CD40: variants seen among roughly 807,000 people sequenced by gnomAD.
CD40 encodes the protein tumor necrosis factor receptor superfamily member 5.
Under a neutral mutation model 38.5 loss-of-function variants are expected in CD40, and 19 were observed. That is an observed-to-expected ratio of 0.49 (90% confidence interval 0.34 to 0.72). CD40 has a LOEUF of 0.72. CD40 is among the 30% of genes least tolerant of loss of function. CD40 has a pLI of 0.01. For missense variants in CD40, 256 were observed against 344.1 expected (o/e 0.74, Z 2.03); for synonymous variants, 130 against 128.7 (o/e 1.01, Z -0.07).
chr20:46,122,912 C>T lies in CD40; in HGVS notation c.403+156C>T. ...CCACTGGAGTGAGCTGCAGACGGGA[C>T]CTTGTTCATTCTGCCTTCTGCCATG... On this transcript the variant is annotated intron_variant, in intron 4 of 8. Transcript: ENST00000372285. This position sits in a 1 kb window ranked among gnomAD's most constrained non-coding sequence, Gnocchi z 5.0. 2 of 1,021,902 alleles carry T rather than the reference C, an allele frequency of 2.0e-6. No homozygotes were observed. The highest frequency in any genetic ancestry group is 4.3e-5 in the Admixed American group (2 of 47,020). The allele number at this position is 1,021,902 out of a possible 1,614,324, so 63.3% of individuals were successfully genotyped here. A position where few individuals can be genotyped will look rare whatever the true frequency, so the allele number is the denominator to read the frequency against.
intron 1 of CD40, among the ~76,000 whole-genome samples, chr20:46,120,619 C>T (rs1160347842): frequency 6.6e-6 from 1 of 152,202 alleles, no homozygotes; most frequent in African/African-American, 2.4e-5. Context: ...AAATCAAGAG[C>T]AGGCCTGGGA....
At chr20:46,123,074 G>C in intron 4 of CD40, 52 bp from the exon 5 acceptor site, 2 of 1,378,102 alleles carry the variant, frequency 1.5e-6, no homozygotes, top group Non-Finnish European at 2.1e-6. Context: ...CTTGTGAGCC[G>C]GACAGGTGGT....
rs11569343 is a variant in CD40 at position 46,129,175 on chromosome 20, C to G, written c.*135C>G. 0.041 allele frequency: 39,909 copies of G among 962,462 alleles called. 1,040 individuals carry two copies. Among genetic ancestry groups the G allele is most frequent in the Non-Finnish European group, 0.05 (30,649 of 615,946 alleles). 59.6% of individuals were successfully genotyped at this position (962,462 alleles called of 1,614,324 possible). A position where few individuals can be genotyped will look rare whatever the true frequency, so the allele number is the denominator to read the frequency against. Reference sequence around the variant, plus strand: ...ATAGCTCCCCGCTTCTGCCTGCACCCCTGCAGTTTGAGACAGGAGACCTGG... The same window carrying G: ...ATAGCTCCCCGCTTCTGCCTGCACCGCTGCAGTTTGAGACAGGAGACCTGG... On this transcript the variant is annotated 3_prime_UTR_variant, in exon 9 of 9. Transcript: ENST00000372285.
intron 1 of CD40, among the ~76,000 whole-genome samples, chr20:46,119,817 G>C (rs966924342): frequency 6.6e-6 from 1 of 152,178 alleles, no homozygotes; most frequent in Admixed American, 6.5e-5. Flanking sequence ...CATGATTCCC[G>C]AGCCTGCCTC....
At position 46,122,523 on chromosome 20, in the gene CD40, A is replaced by G; in HGVS notation, c.257-87A>G. ...CCATCTCTACTTGGAAGAGGGTCTG[A>G]GGAAGAAAGAGCAGGCAATGTGGGG... On this transcript the variant is annotated intron_variant, in intron 3 of 8. Transcript: ENST00000372285. The surrounding 1 kb of genome is among the most constrained non-coding windows in gnomAD (Gnocchi z 5.0). 1 of 1,594,802 alleles carries G rather than the reference A, an allele frequency of 6.3e-7. No homozygotes were observed. The highest frequency in any genetic ancestry group is 8.6e-7 in the Non-Finnish European group (1 of 1,163,048).
intron 6 of CD40, 23 bp from the exon 7 acceptor site, chr20:46,128,115 T>C (rs757253528): frequency 5.6e-6 from 9 of 1,613,860 alleles, no homozygotes; most frequent in East Asian, 2.2e-5. Flanking sequence ...GAGGGGTGCA[T>C]GCTGAAGTCC....
chr20:46,126,490 A>G, intron 5 of CD40, 150 bp from the exon 6 acceptor site: 1 of 813,190 alleles, frequency 1.2e-6, no homozygotes, highest in Non-Finnish European at 2.1e-6. Context: ...AATAACCAGC[A>G]TAGGACGTTG....
chr20:46,121,518 T>C (rs1190684606), intron 1 of CD40, among the ~76,000 whole-genome samples: 1 of 152,118 alleles, frequency 6.6e-6, no homozygotes, highest in African/African-American at 2.4e-5. Context: ...TATGGGATCT[T>C]TGGGAAGAGG....
At chr20:46,128,692 C>A (rs1163665882) in intron 8 of CD40, 190 bp from the exon 9 acceptor site, 28 of 680,352 alleles carry the variant, frequency 4.1e-5, no homozygotes, top group Non-Finnish European at 6.4e-5. Flanking sequence ...CCACTGGCTC[C>A]CACTCTGGAA....
chr20:46,129,041 G>A lies in CD40; in HGVS notation c.*1G>A. On this transcript the variant is annotated 3_prime_UTR_variant, in exon 9 of 9. Coordinates refer to ENST00000372285, the MANE Select transcript of CD40 (RefSeq NM_001250.6). ...CATCTCAGTGCAGGAGAGACAGTGA[G>A]GCTGCACCCACCCAGGAGTGTGGCC... 4 of 1,614,100 alleles carry A rather than the reference G, an allele frequency of 2.5e-6. No individual in the cohort carries two copies. Among genetic ancestry groups the A allele is most frequent in the Non-Finnish European group, 3.4e-6 (4 of 1,180,018 alleles).
At chr20:46,120,688 A>C (rs1226112314) in intron 1 of CD40, among the ~76,000 whole-genome samples, 1 of 152,212 alleles carries the variant, frequency 6.6e-6, no homozygotes, top group Non-Finnish European at 1.5e-5. Flanking sequence ...GTTTCCCCAG[A>C]ATTTATTTTT....
chr20:46,129,159 C>A lies in CD40; in HGVS notation c.*119C>A, dbSNP rs746182207. The A allele has an allele frequency of 1.8e-6, 2 of 1,122,264 alleles. No homozygotes were observed. The highest frequency in any genetic ancestry group is 1.3e-6 in the Non-Finnish European group (1 of 752,486). The allele number at this position is 1,122,264 out of a possible 1,614,324, so 69.5% of individuals were successfully genotyped here. On this transcript the variant is annotated 3_prime_UTR_variant, in exon 9 of 9. Transcript: ENST00000372285. ...CTGGCACTGACTGGGCATAGCTCCC[C>A]GCTTCTGCCTGCACCCCTGCAGTTT... is the stretch of plus-strand genomic sequence containing the variant.
intron 1 of CD40, among the ~76,000 whole-genome samples, chr20:46,118,746 C>T (rs558706465): frequency 1.3e-5 from 2 of 152,294 alleles, no homozygotes; most frequent in East Asian, 3.9e-4. Flanking sequence ...AGGGGCGGGT[C>T]TGGCCCGTTT....
chr20:46,122,262 T>G lies in CD40; in HGVS notation c.160T>G (p.Phe54Val). 6.2e-7 allele frequency: 1 copy of G among 1,613,960 alleles called. No homozygotes were observed. Among genetic ancestry groups the G allele is most frequent in the Non-Finnish European group, 8.5e-7 (1 of 1,179,988 alleles). The part of the protein sequence containing the change: ...GQKLVSDCTE[F>V]TETECLPCGE... ...GAAACTGGTGAGTGACTGCACAGAG[T>G]TCACTGAAACGGAATGCCTTCCTTG... is the stretch of plus-strand genomic sequence containing the variant. The change falls in exon 3 of 9, where the codon TTC becomes GTC. Residue 54 changes from phenylalanine (F) to valine (V), a missense_variant. Coordinates refer to ENST00000372285, the MANE Select transcript of CD40 (RefSeq NM_001250.6). The surrounding 1 kb of genome is among the most constrained non-coding windows in gnomAD (Gnocchi z 5.0).
At chr20:46,127,112 T>A (rs992485640) in intron 6 of CD40, 1 of 223,386 alleles carries the variant, frequency 4.5e-6, no homozygotes, top group Non-Finnish European at 9.1e-6. Flanking sequence ...TATGCACATG[T>A]ACCCTAAAGC....
intron 1 of CD40, 44 bp from the exon 2 acceptor site, chr20:46,121,776 C>G: frequency 6.9e-7 from 1 of 1,456,372 alleles, no homozygotes; most frequent in Non-Finnish European, 9.7e-7. Context: ...GAAGTTGCAA[C>G]GGAGATTTCA....
intron 5 of CD40, among the ~76,000 whole-genome samples, chr20:46,125,005 G>A (rs2085403711): frequency 6.6e-6 from 1 of 151,458 alleles, no homozygotes; most frequent in Non-Finnish European, 1.5e-5. Context: ...CTGACCTCGT[G>A]ATCCGTCTGC....
Position 46,128,304 on chromosome 20 carries a change from C to CTTTTT in CD40, c.647-7_647-3dup, listed in dbSNP as rs749590513. 235 of 1,439,808 alleles carry CTTTTT rather than the reference C, an allele frequency of 1.6e-4. 15 individuals are homozygous for CTTTTT. Among genetic ancestry groups the CTTTTT allele is most frequent in the South Asian group, 4.9e-4 (38 of 78,314 alleles). The allele number at this position is 1,439,808 out of a possible 1,614,324, so 89.2% of individuals were successfully genotyped here. A position where few individuals can be genotyped will look rare whatever the true frequency, so the allele number is the denominator to read the frequency against. ...TATCTGGCCTCTCCAACTCCCCATCCTTTTTTTTTTTTTTTTTTTTTTTAG... is the reference window on the plus strand; with the variant it reads ...TATCTGGCCTCTCCAACTCCCCATCCTTTTTTTTTTTTTTTTTTTTTTTTTTTTAG... On this transcript the variant is annotated intron_variant, in intron 7 of 8. Transcript: ENST00000372285.
chr20:46,126,864 T>A, intron 6 of CD40, 163 bp downstream of exon 6: 2 of 1,127,094 alleles, frequency 1.8e-6, no homozygotes, highest in Non-Finnish European at 2.6e-6. Context: ...GGCAAATCAC[T>A]TCCCCTCTCT....
Sources: gnomAD v4.1 joint callset for allele counts (sites outside exome capture counted in the v4.1 genomes callset) on GRCh38, gnomAD v4.1.1 for gene constraint, Gnocchi (gnomAD v3.1) non-coding constraint, MANE v1.5 for transcripts, NCBI Gene and HGNC (gene_info 2026-07-23, HGNC 2026-07-21) for gene names.